The following ZNF423 variants were observed in gnomAD, a reference collection of about 807,000 sequenced individuals.
The protein encoded by ZNF423 is Ebf-associated zinc finger protein.
A neutral mutation model predicts 95.8 loss-of-function variants in ZNF423; 12 were observed. That is an observed-to-expected ratio of 0.13 (90% CI 0.08 to 0.20). ZNF423 has a LOEUF of 0.20. Among genes scored for constraint, ZNF423 ranks in the 10% least tolerant of loss-of-function variants. The pLI is 1.00. For missense variants in ZNF423, 1,316 were observed against 1,737.1 expected (o/e 0.76, Z 4.31); for synonymous variants, 749 against 711.9 (o/e 1.05, Z -0.83).
chr16:49,674,021 G>T (rs1475031363), intron 3 of ZNF423, among the ~76,000 whole-genome samples: 1 of 152,198 alleles, frequency 6.6e-6, no homozygotes, highest in Non-Finnish European at 1.5e-5. Context: ...AGGCCATGGA[G>T]CAGGTAGAGA....
chr16:49,700,101 G>T (rs1214590976), intron 3 of ZNF423, among the ~76,000 whole-genome samples: 1 of 151,564 alleles, frequency 6.6e-6, no homozygotes, highest in Non-Finnish European at 1.5e-5. Context: ...GCAGAAGAGG[G>T]TGGCTTGGGG....
intron 5 of ZNF423, among the ~76,000 whole-genome samples, chr16:49,536,250 G>A (rs1969051297): frequency 6.6e-6 from 1 of 152,118 alleles, no homozygotes; most frequent in Non-Finnish European, 1.5e-5. Context: ...TTGGAAACTG[G>A]AATTCACCAC....
intron 3 of ZNF423, among the ~76,000 whole-genome samples, chr16:49,699,901 G>C (rs2032110337): frequency 6.6e-6 from 1 of 152,088 alleles, no homozygotes; most frequent in Non-Finnish European, 1.5e-5. Flanking sequence ...GAGGGAGGAG[G>C]ACAGAAAAAT....
At chr16:49,565,168 TTGTC>T (rs1213231410) in intron 5 of ZNF423, among the ~76,000 whole-genome samples, 1 of 152,062 alleles carries the variant, frequency 6.6e-6, no homozygotes, top group African/African-American at 2.4e-5. Context: ...TAGCTGAAAA[TTGTC>T]TGCATACGGG....
At chr16:49,742,494 A>C (rs1028692745) in intron 2 of ZNF423, among the ~76,000 whole-genome samples, 1 of 152,196 alleles carries the variant, frequency 6.6e-6, no homozygotes, top group South Asian at 2.1e-4. Flanking sequence ...GCAGTAATGA[A>C]GAACAGTCAG....
rs184524647 is a variant in ZNF423 at position 49,704,208 on chromosome 16, C to G, written c.301+26563G>C. Among the ~76,000 whole-genome samples the G allele has an allele frequency of 1.6e-3, 250 of 152,172 alleles. 1 individual carries two copies. The highest frequency in any genetic ancestry group is 4.6e-3 in the Admixed American group (70 of 15,284). ...AACACAGGAGCAGGGGCATAAAGAA[C>G]TGAAAAGGAGAAGGGAAGAATCTTC... On this transcript the variant is annotated intron_variant, in intron 3 of 7. Transcript: ENST00000563137.
intron 2 of ZNF423, among the ~76,000 whole-genome samples, chr16:49,731,750 C>A (rs76262842): frequency 6.6e-6 from 1 of 151,970 alleles, no homozygotes; most frequent in African/African-American, 2.4e-5. Context: ...TTCGAGGTTA[C>A]GGGGAACTAT....
chr16:49,529,340 C>A (rs1597056685), intron 5 of ZNF423, among the ~76,000 whole-genome samples: 1 of 152,108 alleles, frequency 6.6e-6, no homozygotes, highest in Admixed American at 6.6e-5. Context: ...AATAAAAACT[C>A]AAACTGCCAA....
intron 7 of ZNF423, among the ~76,000 whole-genome samples, chr16:49,517,461 C>T (rs757236778): frequency 2.6e-5 from 4 of 152,176 alleles, no homozygotes; most frequent in Non-Finnish European, 5.9e-5. Context: ...AGACTTAGGA[C>T]AGACTCCTGG....
At chr16:49,571,112 T>C (rs1465693576) in intron 5 of ZNF423, among the ~76,000 whole-genome samples, 4 of 152,210 alleles carry the variant, frequency 2.6e-5, no homozygotes, top group African/African-American at 9.7e-5. Flanking sequence ...TTGCTTGGGT[T>C]TTTTGGTTTA....
intron 3 of ZNF423, among the ~76,000 whole-genome samples, chr16:49,729,255 G>T (rs2033102583): frequency 6.6e-6 from 1 of 152,216 alleles, no homozygotes; most frequent in Non-Finnish European, 1.5e-5. Flanking sequence ...TGATTATAAA[G>T]TAAGTGGCAA....
At chr16:49,842,962 A>G in intron 1 of ZNF423, among the ~76,000 whole-genome samples, 1 of 149,376 alleles carries the variant, frequency 6.7e-6, no homozygotes, top group Non-Finnish European at 1.5e-5. Context: ...CTGGCAACAG[A>G]GCAAGACTCC....
At chr16:49,831,728 C>T (rs1160002460) in intron 1 of ZNF423, among the ~76,000 whole-genome samples, 2 of 152,236 alleles carry the variant, frequency 1.3e-5, no homozygotes, top group East Asian at 1.9e-4. Flanking sequence ...CGGTGGCTCA[C>T]GCCTGTAATC....
At chr16:49,628,533 C>CCA in intron 4 of ZNF423, among the ~76,000 whole-genome samples, 1 of 150,194 alleles carries the variant, frequency 6.7e-6, no homozygotes, top group African/African-American at 2.5e-5. Context: ...ATCCATCCAT[C>CCA]TATCCATCCA....
intron 7 of ZNF423, among the ~76,000 whole-genome samples, chr16:49,508,488 G>A (rs1217130816): frequency 2.2e-5 from 3 of 135,204 alleles, no homozygotes; most frequent in African/African-American, 5.7e-5. Flanking sequence ...CCATTGCACT[G>A]CAGCCTGAGC....
At chr16:49,675,895 C>T (rs1235629491) in intron 3 of ZNF423, among the ~76,000 whole-genome samples, 1 of 152,222 alleles carries the variant, frequency 6.6e-6, no homozygotes, top group Non-Finnish European at 1.5e-5. Context: ...GTGTTCTGAA[C>T]ACGTCCATGA....
chr16:49,753,918 C>A (rs1474228707), intron 2 of ZNF423, among the ~76,000 whole-genome samples: 1 of 152,000 alleles, frequency 6.6e-6, no homozygotes, highest in Non-Finnish European at 1.5e-5. Flanking sequence ...GTAATCCCAG[C>A]TACTCCAGAG....
chr16:49,796,577 G>A (rs1214395818), intron 1 of ZNF423, among the ~76,000 whole-genome samples: 7 of 152,330 alleles, frequency 4.6e-5, no homozygotes, highest in Non-Finnish European at 5.9e-5. Flanking sequence ...TTTTGGCAGA[G>A]AAGGTTCAGG....
chr16:49,675,690 A>G (rs1329122841), intron 3 of ZNF423, among the ~76,000 whole-genome samples: 2 of 152,150 alleles, frequency 1.3e-5, no homozygotes, highest in African/African-American at 2.4e-5. Context: ...AGTTCTACCA[A>G]ACAGCAGCTC....
Sources: gnomAD v4.1 joint callset for allele counts (sites outside exome capture counted in the v4.1 genomes callset) on GRCh38, gnomAD v4.1.1 for gene constraint, MANE v1.5 for transcripts, NCBI Gene and HGNC (gene_info 2026-07-23, HGNC 2026-07-21) for gene names.